Variants in SPIRE1 observed in about 807,000 individuals in gnomAD.
SPIRE1 encodes protein spire homolog 1.
Under a neutral mutation model 94.1 loss-of-function variants are expected in SPIRE1, and 40 were observed. The observed-to-expected ratio is 0.43, with a 90% CI of 0.33 to 0.55. SPIRE1 has a LOEUF of 0.55. Ranked by LOEUF, SPIRE1 falls within the 20% of genes least tolerant of loss-of-function variation. The pLI is 0.06. For missense variants in SPIRE1, 838 were observed against 975.2 expected (o/e 0.86, Z 1.87); for synonymous variants, 376 against 371.7 (o/e 1.01, Z -0.13).
At chr18:12,506,702 C>G in intron 5 of SPIRE1, 61 bp from the exon 6 acceptor site, 1 of 1,456,598 alleles carries the variant, frequency 6.9e-7, no homozygotes, top group Non-Finnish European at 9.5e-7. Context: ...TTCTAAACAG[C>G]TAGTCATACA....
chr18:12,572,553 G>A lies in SPIRE1; in HGVS notation c.373-25649C>T, dbSNP rs776292873. Among the ~76,000 whole-genome samples the A allele has an allele frequency of 2.8e-4, 43 of 152,204 alleles. 1 individual carries two copies. Among genetic ancestry groups the A allele is most frequent in the Non-Finnish European group, 3.7e-4 (25 of 68,014 alleles). On this transcript the variant is annotated intron_variant, in intron 2 of 16. Transcript: ENST00000409402. Reference sequence around the variant, plus strand: ...CTTGAGCCCAGAAAAAAACTGCAGTGAGCCATGTTGGCACCACTGCACTCC... The same window carrying A: ...CTTGAGCCCAGAAAAAAACTGCAGTAAGCCATGTTGGCACCACTGCACTCC...
At chr18:12,478,817 T>C (rs1246251601) in intron 10 of SPIRE1, among the ~76,000 whole-genome samples, 1 of 152,062 alleles carries the variant, frequency 6.6e-6, no homozygotes, top group Non-Finnish European at 1.5e-5. Context: ...AGCATTAGCA[T>C]ATAGGTGGAT....
At chr18:12,554,296 C>CAAAAAAAAAAAAAAAAA (rs35637714) in intron 2 of SPIRE1, among the ~76,000 whole-genome samples, 1 of 56,362 alleles carries the variant, frequency 1.8e-5, no homozygotes, top group Non-Finnish European at 3.9e-5. Context: ...AGACTCTGTT[C>CAAAAAAAAAAAAAAAAA]AAAAAAAAAA....
At chr18:12,522,937 C>T (rs773619080) in intron 4 of SPIRE1, among the ~76,000 whole-genome samples, 15 of 151,998 alleles carry the variant, frequency 9.9e-5, no homozygotes, top group Non-Finnish European at 1.2e-4. Flanking sequence ...CCCCATGGAC[C>T]AAGGAATAAT....
rs148778976 is a variant in SPIRE1 at position 12,515,507 on chromosome 18, A to C, written c.730-2976T>G. Among the ~76,000 whole-genome samples the C allele has an allele frequency of 1.1e-3, 166 of 152,286 alleles. 1 individual carries two copies. Among genetic ancestry groups the C allele is most frequent in the East Asian group, 6.4e-3 (33 of 5,180 alleles). The stretch of plus-strand genomic sequence containing the variant: ...ACTCCAACCTGGGCGACAGAGAGAA[A>C]CCCTGTCTCAAAAAAATAAAACAAA... On this transcript the variant is annotated intron_variant, in intron 4 of 16. Transcript: ENST00000409402.
At chr18:12,523,691 T>C (rs544347373) in intron 4 of SPIRE1, among the ~76,000 whole-genome samples, 22 of 151,200 alleles carry the variant, frequency 1.5e-4, no homozygotes, top group African/African-American at 5.1e-4. Flanking sequence ...TTTATTCTTA[T>C]TTTTTTTTGA....
At position 12,496,737 on chromosome 18, in the gene SPIRE1, C is replaced by T. The variant is rs896446108; in HGVS notation, c.973-635G>A. On this transcript the variant is annotated intron_variant, in intron 6 of 16. Coordinates refer to ENST00000409402, the MANE Select transcript of SPIRE1 (RefSeq NM_001128626.2). ...ACAAAAAATTAGCCGGGCGTGGTGG[C>T]GGGCACCTGTAGTCCCAGCTACTCA... 3.9e-5 allele frequency among the ~76,000 whole-genome samples: 6 copies of T among 152,102 alleles called. No individual in the cohort carries two copies. In the South Asian group the frequency reaches 8.3e-4, roughly 21 times the overall value.
chr18:12,549,577 G>C (rs1020578726), intron 2 of SPIRE1, among the ~76,000 whole-genome samples: 54 of 148,506 alleles, frequency 3.6e-4, no homozygotes, highest in Non-Finnish European at 6.7e-4. Flanking sequence ...TCAGCCTCTT[G>C]AGTAGCTGGG....
intron 4 of SPIRE1, among the ~76,000 whole-genome samples, chr18:12,522,115 G>A (rs1477375256): frequency 6.6e-6 from 1 of 152,202 alleles, no homozygotes; most frequent in Non-Finnish European, 1.5e-5. Flanking sequence ...GCAAAGATGG[G>A]CTGAAAGCTA....
At chr18:12,584,288 G>C (rs1485134363) in intron 2 of SPIRE1, among the ~76,000 whole-genome samples, 1 of 151,978 alleles carries the variant, frequency 6.6e-6, no homozygotes, top group Non-Finnish European at 1.5e-5. Context: ...AAATTAGCCG[G>C]GCATGGTGGT....
chr18:12,450,210 A>T (rs1193097671), intron 16 of SPIRE1, among the ~76,000 whole-genome samples: 77 of 150,970 alleles, frequency 5.1e-4, no homozygotes, highest in Non-Finnish European at 1.2e-4. Flanking sequence ...AAAAAAAAAA[A>T]TAGCCAGGCA....
At position 12,479,933 on chromosome 18, in the gene SPIRE1, A is replaced by G. The variant is rs139555505; in HGVS notation, c.1232-62T>C. Reference sequence around the variant, plus strand: ...AAGAAAGGTTATCTGTGTTGGAAGCATACCAGGTAACAGAGCATTTCATAC... The same window carrying G: ...AAGAAAGGTTATCTGTGTTGGAAGCGTACCAGGTAACAGAGCATTTCATAC... On this transcript the variant is annotated intron_variant, in intron 9 of 16. Transcript: ENST00000409402. The G allele has an allele frequency of 3.4e-4, 517 of 1,505,380 alleles. No individual in the cohort carries two copies. In the African/African-American group the frequency reaches 6.8e-3, roughly 20 times the overall value. 93.3% of individuals were successfully genotyped at this position (1,505,380 alleles called of 1,614,324 possible).
At chr18:12,616,870 A>AT (rs1428709132) in intron 2 of SPIRE1, among the ~76,000 whole-genome samples, 1 of 151,828 alleles carries the variant, frequency 6.6e-6, no homozygotes, top group Non-Finnish European at 1.5e-5. Context: ...TATCATTATT[A>AT]TTTTTTTTAG....
chr18:12,516,472 G>C (rs140404590), intron 4 of SPIRE1, among the ~76,000 whole-genome samples: 1 of 152,276 alleles, frequency 6.6e-6, no homozygotes, highest in East Asian at 1.9e-4. Flanking sequence ...GGGTTGGAGA[G>C]GAAAGGGAGG....
intron 2 of SPIRE1, among the ~76,000 whole-genome samples, chr18:12,550,596 G>A (rs575888449): frequency 5.9e-5 from 9 of 152,010 alleles, no homozygotes; most frequent in Non-Finnish European, 1.3e-4. Context: ...CCCTGGGCTC[G>A]AGCAATCCTC....
chr18:12,626,553 G>A (rs934177195), intron 2 of SPIRE1, among the ~76,000 whole-genome samples: 9 of 152,108 alleles, frequency 5.9e-5, no homozygotes, highest in Non-Finnish European at 7.3e-5. Flanking sequence ...AACTGAAGTA[G>A]CTGCAGTTAA....
At position 12,657,668 on chromosome 18, in the gene SPIRE1, C is replaced by T; in HGVS notation, c.199G>A (p.Gly67Ser). ...CGGCGGGCGGCGGCGCGCAGGGAAC[C>T]GCAGCACTGGTAGCACACGGCCCAC... ...QAWAVCYQCC[G>S]SLRAAARRRQ... is the part of the protein sequence containing the mutation. The change falls in exon 1 of 17, where the codon GGT becomes AGT. Residue 67 changes from glycine (G) to serine (S), a missense_variant. Coordinates refer to ENST00000409402, the MANE Select transcript of SPIRE1 (RefSeq NM_001128626.2). 7.4e-7 allele frequency: 1 copy of T among 1,348,750 alleles called. No homozygotes were observed. The highest frequency in any genetic ancestry group is 9.6e-7 in the Non-Finnish European group (1 of 1,046,336). The allele number at this position is 1,348,750 out of a possible 1,614,324, so 83.5% of individuals were successfully genotyped here. A position where few individuals can be genotyped will look rare whatever the true frequency, so the allele number is the denominator to read the frequency against.
intron 9 of SPIRE1, among the ~76,000 whole-genome samples, chr18:12,480,813 TA>T (rs952111579): frequency 6.6e-6 from 1 of 152,144 alleles, no homozygotes; most frequent in Non-Finnish European, 1.5e-5. Flanking sequence ...AATGAAGAGT[TA>T]AAAATGGGCT....
At chr18:12,506,409 T>C (rs1427288270) in intron 6 of SPIRE1, 68 bp downstream of exon 6, 2 of 1,422,888 alleles carry the variant, frequency 1.4e-6, no homozygotes, top group East Asian at 4.6e-5. Flanking sequence ...TCCACCTGCC[T>C]CGACCTCCCA....
Sources: gnomAD v4.1 joint callset for allele counts (sites outside exome capture counted in the v4.1 genomes callset) on GRCh38, gnomAD v4.1.1 for gene constraint, MANE v1.5 for transcripts, NCBI Gene and HGNC (gene_info 2026-07-23, HGNC 2026-07-21) for gene names.